ANKRD10: variants seen among roughly 807,000 people sequenced by gnomAD.
The protein encoded by ANKRD10 is ankyrin repeat domain 10.
A neutral mutation model predicts 27.0 loss-of-function variants in ANKRD10; 14 were observed. That is an observed-to-expected ratio of 0.52 (90% CI 0.34 to 0.81). The LOEUF is 0.81. Ranked by LOEUF, ANKRD10 falls within the 40% of genes least tolerant of loss-of-function variation. The pLI, the probability that ANKRD10 is intolerant of heterozygous loss-of-function variation, is 0.01. For missense variants in ANKRD10, 493 were observed against 544.0 expected (o/e 0.91, Z 0.93); for synonymous variants, 250 against 224.5 (o/e 1.11, Z -1.01).
chr13:110,892,676 T>TA (rs11446794), intron 4 of ANKRD10: 449,341 of 735,186 alleles, frequency 0.61, 83,155 homozygotes, highest in Admixed American at 0.93. Context: ...AGAAGCAAAT[T>TA]AAAAAAAAAA....
intron 2 of ANKRD10, among the ~76,000 whole-genome samples, chr13:110,906,417 C>T (rs2065536762): frequency 1.3e-5 from 2 of 151,976 alleles, no homozygotes; most frequent in South Asian, 2.1e-4. Context: ...GATCTTAGCA[C>T]GTGTGTTTTA....
intron 3 of ANKRD10, among the ~76,000 whole-genome samples, chr13:110,897,053 T>C (rs1200090917): frequency 6.6e-6 from 1 of 152,000 alleles, no homozygotes; most frequent in African/African-American, 2.4e-5. Context: ...GAATTAGCCA[T>C]ACAAAAAAAA....
chr13:110,912,831 G>A lies in ANKRD10; in HGVS notation c.210+1894C>T, dbSNP rs558835862. 2.6e-5 allele frequency among the ~76,000 whole-genome samples: 4 copies of A among 152,318 alleles called. No homozygotes were observed. The South Asian group carries it at 8.3e-4, about 32-fold the overall frequency. ...AGCCCTGAGTCCTGGCCTGATTTCTGTCCTAACGGCTTCTTCTCAGAAGGG... is the reference window on the plus strand; with the variant it reads ...AGCCCTGAGTCCTGGCCTGATTTCTATCCTAACGGCTTCTTCTCAGAAGGG... On this transcript the variant is annotated intron_variant, in intron 1 of 5. Coordinates refer to ENST00000267339, the MANE Select transcript of ANKRD10 (RefSeq NM_017664.4).
chr13:110,904,641 G>A (rs1388579399), intron 3 of ANKRD10, among the ~76,000 whole-genome samples: 1 of 152,162 alleles, frequency 6.6e-6, no homozygotes, highest in Non-Finnish European at 1.5e-5. Flanking sequence ...TCTAACTACA[G>A]CTAAGAAAAA....
chr13:110,902,186 G>A (rs1431284855), intron 3 of ANKRD10, among the ~76,000 whole-genome samples: 1 of 151,716 alleles, frequency 6.6e-6, no homozygotes, highest in Non-Finnish European at 1.5e-5. Context: ...TTATTCTGAT[G>A]GGCAAAAAAA....
At chr13:110,907,333 G>T (rs942704657) in intron 2 of ANKRD10, among the ~76,000 whole-genome samples, 63 of 152,284 alleles carry the variant, frequency 4.1e-4, no homozygotes, top group African/African-American at 1.5e-3. Flanking sequence ...TACTCACACT[G>T]CAACCTCACT....
At chr13:110,883,613 G>A in intron 5 of ANKRD10, 85 bp downstream of exon 5, 1 of 1,572,522 alleles carries the variant, frequency 6.4e-7, no homozygotes, top group Non-Finnish European at 8.7e-7. Flanking sequence ...TATTTCTTTT[G>A]GTCCAACAGA....
intron 4 of ANKRD10, among the ~76,000 whole-genome samples, chr13:110,887,807 A>G (rs12585428): frequency 0.04 from 6,116 of 152,220 alleles, 256 homozygotes; most frequent in South Asian, 0.2. Context: ...AACCCTTGAG[A>G]GGTGGCCAAA....
At chr13:110,891,870 A>AC (rs2065083115) in intron 4 of ANKRD10, among the ~76,000 whole-genome samples, 2 of 108,654 alleles carry the variant, frequency 1.8e-5, no homozygotes, top group Non-Finnish European at 3.8e-5. Flanking sequence ...TCTTATTAAG[A>AC]CTTTTTTTTT....
At chr13:110,902,021 C>T (rs568187524) in intron 3 of ANKRD10, among the ~76,000 whole-genome samples, 8 of 126,880 alleles carry the variant, frequency 6.3e-5, no homozygotes, top group African/African-American at 1.2e-4. Context: ...TTAGCCTGGA[C>T]GACAAAGGGA....
At chr13:110,886,318 T>C (rs1050549125) in intron 4 of ANKRD10, among the ~76,000 whole-genome samples, 2 of 152,250 alleles carry the variant, frequency 1.3e-5, no homozygotes, top group Admixed American at 1.3e-4. Context: ...TTAATGCAGA[T>C]GGTTTCTCTA....
At position 110,902,238 on chromosome 13, in the gene ANKRD10, T is replaced by C. The variant is rs184882058; in HGVS notation, c.455+3795A>G. On this transcript the variant is annotated intron_variant, in intron 3 of 5. Transcript: ENST00000267339. ...AACCACGAATTTCAAAATGAATAGCTAAAAGTAAATCTAGGTTACATTTTG... is the reference window on the plus strand; with the variant it reads ...AACCACGAATTTCAAAATGAATAGCCAAAAGTAAATCTAGGTTACATTTTG... 2.6e-3 allele frequency among the ~76,000 whole-genome samples: 399 copies of C among 152,106 alleles called. 4 individuals are homozygous for C. The highest frequency in any genetic ancestry group is 3.9e-3 in the Non-Finnish European group (265 of 67,974).
At chr13:110,885,422 C>A (rs1429628071) in intron 4 of ANKRD10, among the ~76,000 whole-genome samples, 1 of 152,092 alleles carries the variant, frequency 6.6e-6, no homozygotes, top group African/African-American at 2.4e-5. Flanking sequence ...GTGGCGAGTG[C>A]CTGTAGTCCC....
intron 1 of ANKRD10, among the ~76,000 whole-genome samples, chr13:110,912,567 C>T (rs2065749051): frequency 6.6e-6 from 1 of 152,220 alleles, no homozygotes; most frequent in African/African-American, 2.4e-5. Flanking sequence ...ACCTGTTACC[C>T]TTGGGTTCAA....
chr13:110,914,737 C>A lies in ANKRD10; in HGVS notation c.198G>T (p.Ala66=). 1.3e-6 allele frequency: 2 copies of A among 1,586,234 alleles called. No homozygotes were observed. Among genetic ancestry groups the A allele is most frequent in the Non-Finnish European group, 8.6e-7 (1 of 1,167,262 alleles). The change falls in exon 1 of 6, where the codon GCG becomes GCT. Residue 66 remains alanine, a synonymous_variant. Transcript: ENST00000267339. ...FYGWTPVHWA[A]HFGKLECLVQ... Reference sequence around the variant, plus strand: ...CGTTCGCACCCACCTTGCCGAAATGCGCGGCCCAGTGCACGGGCGTCCAGC... The same window carrying A: ...CGTTCGCACCCACCTTGCCGAAATGAGCGGCCCAGTGCACGGGCGTCCAGC...
rs573230778 is a variant in ANKRD10 at position 110,879,679 on chromosome 13, G to C, written c.1221C>G (p.Asp407Glu). The C allele has an allele frequency of 2.5e-6, 4 of 1,613,988 alleles. No homozygotes were observed. The African/African-American group carries it at 5.3e-5, about 22-fold the overall frequency. The change falls in exon 6 of 6, where the codon GAC becomes GAG. Residue 407 changes from aspartate (D) to glutamate (E), a missense_variant. Coordinates refer to ENST00000267339, the MANE Select transcript of ANKRD10 (RefSeq NM_017664.4). ...GGTGCATGGTGCCCAGCACGGCACT[G>C]TCGTACCGCTCCTGCACCTTCACGG... ...SKSVKVQERY[D>E]SAVLGTMHLH...
In ANKRD10 at chr13:110,879,645, C is replaced by T. The variant is rs748629372; in HGVS notation, c.1255G>A (p.Gly419Ser). The change falls in exon 6 of 6, where the codon GGC becomes AGC. Residue 419 changes from glycine to serine, a missense_variant. By Grantham distance (56) the Gly-to-Ser change is moderately conservative. Coordinates refer to ENST00000267339, the MANE Select transcript of ANKRD10 (RefSeq NM_017664.4). ...GAGCCAGGTCAGCGTCTCTAGGAGCCGTGGTGCAGGTGCATGGTGCCCAGC... is the reference window on the plus strand; with the variant it reads ...GAGCCAGGTCAGCGTCTCTAGGAGCTGTGGTGCAGGTGCATGGTGCCCAGC... Reference protein sequence around the residue: ...AVLGTMHLHHGS With the variant: ...AVLGTMHLHHSS 14 of 1,609,806 alleles carry T rather than the reference C, an allele frequency of 8.7e-6. No homozygotes were observed. Among genetic ancestry groups the T allele is most frequent in the Middle Eastern group, 1.8e-4 (1 of 5,524 alleles).
intron 4 of ANKRD10, among the ~76,000 whole-genome samples, chr13:110,889,697 AGTGTTT>A (rs1373710692): frequency 3.3e-5 from 5 of 152,170 alleles, no homozygotes; most frequent in Non-Finnish European, 7.3e-5. Flanking sequence ...AGGATTCCAA[AGTGTTT>A]TGGCTTTTTC....
chr13:110,914,746 G>A lies in ANKRD10; in HGVS notation c.189C>T (p.His63=). The change falls in exon 1 of 6, where the codon CAC becomes CAT. Residue 63 remains histidine (H), a synonymous_variant. Transcript: ENST00000267339. ...CCACCTTGCCGAAATGCGCGGCCCA[G>A]TGCACGGGCGTCCAGCCATAGAAGG... The part of the protein sequence containing the change: ...EDSFYGWTPV[H]WAAHFGKLEC... 3.1e-6 allele frequency: 5 copies of A among 1,593,100 alleles called. No homozygotes were observed. Among genetic ancestry groups the A allele is most frequent in the Non-Finnish European group, 4.3e-6 (5 of 1,170,824 alleles).
Sources: allele counts gnomAD v4.1 joint callset (sites outside exome capture counted in the v4.1 genomes callset), GRCh38; gene constraint gnomAD v4.1.1; transcripts MANE v1.5; gene names NCBI Gene and HGNC (gene_info 2026-07-23, HGNC 2026-07-21).